The following SPOCK3 variants were observed in gnomAD, a reference collection of about 807,000 sequenced individuals.
The protein encoded by SPOCK3 is SPARC (osteonectin), cwcv and kazal like domains proteoglycan 3.
Under a neutral mutation model 56.6 loss-of-function variants are expected in SPOCK3, and 30 were observed. The observed-to-expected ratio is 0.53, with a 90% CI of 0.40 to 0.72. The LOEUF (loss-of-function observed/expected upper bound fraction) is 0.72. Among genes scored for constraint, SPOCK3 ranks in the 30% least tolerant of loss-of-function variants. SPOCK3 has a pLI of 0.00. For missense variants in SPOCK3, 527 were observed against 530.0 expected, an observed-to-expected ratio of 0.99 and a Z score of 0.06; for synonymous variants, 196 against 183.3, an observed-to-expected ratio of 1.07 and a Z score of -0.56.
chr4:166,926,833 AC>A (rs2149988140), intron 4 of SPOCK3, among the ~76,000 whole-genome samples: 1 of 152,314 alleles, frequency 6.6e-6, no homozygotes, highest in South Asian at 2.1e-4. Flanking sequence ...TCTGAAATAC[AC>A]TTAAAGGGAC....
intron 4 of SPOCK3, among the ~76,000 whole-genome samples, chr4:166,913,504 G>A (rs1737500846): frequency 6.6e-6 from 1 of 152,168 alleles, no homozygotes; most frequent in Non-Finnish European, 1.5e-5. Flanking sequence ...ATATTTGAAA[G>A]TCCTGTAGTA....
intron 6 of SPOCK3, among the ~76,000 whole-genome samples, chr4:166,824,937 A>G (rs1432335060): frequency 3.3e-5 from 5 of 152,128 alleles, no homozygotes; most frequent in Non-Finnish European, 5.9e-5. Context: ...CTACTCTATG[A>G]AGATGAATAC....
chr4:167,078,680 C>A (rs1013368060), intron 2 of SPOCK3, among the ~76,000 whole-genome samples: 1 of 151,438 alleles, frequency 6.6e-6, no homozygotes, highest in Non-Finnish European at 1.5e-5. Flanking sequence ...CAGGTATCAT[C>A]CTTTACCTCA....
chr4:166,824,911 A>G (rs1745306323), intron 6 of SPOCK3, among the ~76,000 whole-genome samples: 3 of 152,088 alleles, frequency 2.0e-5, no homozygotes, highest in South Asian at 2.1e-4. Context: ...CCAGTGGGGA[A>G]AAAAGCAATT....
rs548478333 is a variant in SPOCK3, at chr4:166,733,591, A to G, written c.*1330T>C. The G allele has an allele frequency of 2.6e-5, 4 of 152,102 alleles. No homozygotes were observed. Among genetic ancestry groups the G allele is most frequent in the African/African-American group, 9.6e-5 (4 of 41,546 alleles). 9.4% of individuals were successfully genotyped at this position (152,102 alleles called of 1,614,324 possible). On this transcript the variant is annotated 3_prime_UTR_variant, in exon 11 of 11. Transcript: ENST00000357545. ...GAAATTAAAGATACCAATACGTAAC[A>G]TTCAACAGGTTTTTCCATTTTTATT...
intron 2 of SPOCK3, among the ~76,000 whole-genome samples, chr4:167,156,760 T>A (rs189455332): frequency 6.6e-6 from 1 of 152,074 alleles, no homozygotes; most frequent in African/African-American, 2.4e-5. Context: ...ATGGTAAGCA[T>A]TGACAGCATC....
intron 4 of SPOCK3, among the ~76,000 whole-genome samples, chr4:166,953,063 C>T (rs532435109): frequency 6.6e-6 from 1 of 151,738 alleles, no homozygotes; most frequent in Non-Finnish European, 1.5e-5. Context: ...GCAATGGCAA[C>T]AAAAGCCAAA....
chr4:166,744,075 C>T (rs553718450), intron 8 of SPOCK3, among the ~76,000 whole-genome samples: 119 of 152,298 alleles, frequency 7.8e-4, no homozygotes, highest in Admixed American at 1.4e-3. Context: ...CAGACTTAAA[C>T]GTCCCTGTCT....
chr4:167,186,669 C>G (rs376476914), intron 2 of SPOCK3, among the ~76,000 whole-genome samples: 29 of 151,636 alleles, frequency 1.9e-4, no homozygotes, highest in African/African-American at 6.5e-4. Flanking sequence ...AAACAGAAAA[C>G]AAATCTCTAT....
intron 2 of SPOCK3, among the ~76,000 whole-genome samples, chr4:167,072,228 G>T (rs551902439): frequency 6.6e-6 from 1 of 152,018 alleles, no homozygotes; most frequent in Non-Finnish European, 1.5e-5. Flanking sequence ...TAGCCCCAAA[G>T]CCTTCATTTG....
intron 2 of SPOCK3, chr4:167,119,831 G>A: frequency 6.5e-7 from 1 of 1,534,380 alleles, no homozygotes; most frequent in Non-Finnish European, 8.7e-7. Context: ...GTGATCTTGT[G>A]TGATCATCAC....
intron 8 of SPOCK3, 70 bp downstream of exon 8, chr4:166,754,438 T>G: frequency 6.5e-7 from 1 of 1,543,392 alleles, no homozygotes; most frequent in Non-Finnish European, 8.7e-7. Flanking sequence ...ACTGTTTTAT[T>G]TTCTTAAAAA....
At chr4:167,152,793 C>T (rs1764527803) in intron 2 of SPOCK3, among the ~76,000 whole-genome samples, 1 of 152,088 alleles carries the variant, frequency 6.6e-6, no homozygotes, top group African/African-American at 2.4e-5. Context: ...TAATATCTAT[C>T]TTAATATATT....
At chr4:167,190,970 A>G (rs1041124847) in intron 2 of SPOCK3, among the ~76,000 whole-genome samples, 1 of 145,294 alleles carries the variant, frequency 6.9e-6, no homozygotes, top group Non-Finnish European at 1.5e-5. Context: ...ATTCTGCTCT[A>G]TTGGTCTAAG....
intron 4 of SPOCK3, among the ~76,000 whole-genome samples, chr4:166,943,005 G>A (rs907437618): frequency 5.3e-5 from 8 of 152,126 alleles, no homozygotes; most frequent in African/African-American, 1.7e-4. Flanking sequence ...CAGGAAAGAA[G>A]AAAACATTGC....
chr4:167,140,346 T>C (rs1373573429), intron 2 of SPOCK3, among the ~76,000 whole-genome samples: 1 of 152,098 alleles, frequency 6.6e-6, no homozygotes, highest in East Asian at 1.9e-4. Context: ...GTTATACATA[T>C]TTATCTTAAT....
At chr4:166,844,589 A>T (rs2126847095) in intron 6 of SPOCK3, among the ~76,000 whole-genome samples, 1 of 152,252 alleles carries the variant, frequency 6.6e-6, no homozygotes, top group African/African-American at 2.4e-5. Context: ...TTGGACTCAA[A>T]CTGCAACACT....
chr4:167,170,987 G>T (rs1463190816), intron 2 of SPOCK3, among the ~76,000 whole-genome samples: 2 of 152,054 alleles, frequency 1.3e-5, no homozygotes, highest in African/African-American at 2.4e-5. Context: ...AGAAGAGGAT[G>T]GAACAATGGG....
intron 3 of SPOCK3, among the ~76,000 whole-genome samples, chr4:167,023,299 CCATGGGTA>C (rs925639037): frequency 6.6e-6 from 1 of 151,886 alleles, no homozygotes; most frequent in African/African-American, 2.4e-5. Context: ...TTATTGATAG[CCATGGGTA>C]CTGTGTCTGG....
Sources: allele counts gnomAD v4.1 joint callset (sites outside exome capture counted in the v4.1 genomes callset), GRCh38; gene constraint gnomAD v4.1.1; transcripts MANE v1.5; gene names NCBI Gene and HGNC (gene_info 2026-07-23, HGNC 2026-07-21).